Variants in CES5A observed in about 807,000 individuals in gnomAD.
CES5A encodes the protein carboxylesterase 5A, also known as carboxylesterase 5.
A neutral mutation model predicts 62.9 loss-of-function variants in CES5A; 67 were observed. The ratio of observed to expected loss-of-function variants is 1.07; its 90% CI spans 0.88 to 1.31. The LOEUF is 1.31. Among genes scored for constraint, CES5A ranks in the 50% most tolerant of loss-of-function variants. The probability of loss-of-function intolerance (pLI) is 0.00; values close to 1 mark genes in which losing one functional copy is unlikely to be tolerated. For missense variants in CES5A, 748 were observed against 708.5 expected, an observed-to-expected ratio of 1.06 and a Z score of -0.63; for synonymous variants, 296 against 280.8, an observed-to-expected ratio of 1.05 and a Z score of -0.54.
chr16:55,922,950 A>T (rs556059527), intron 1 of CES5A, among the ~76,000 whole-genome samples: 1 of 152,056 alleles, frequency 6.6e-6, no homozygotes, highest in South Asian at 2.1e-4. Flanking sequence ...CAATAGGTCA[A>T]TGAAGAAGTT....
At chr16:55,909,700 G>A (rs941421231) in intron 1 of CES5A, among the ~76,000 whole-genome samples, 1 of 152,154 alleles carries the variant, frequency 6.6e-6, no homozygotes, top group Non-Finnish European at 1.5e-5. Context: ...ACAGGTGAAC[G>A]GCAGAAGATC....
intron 8 of CES5A, 44 bp downstream of exon 8, chr16:55,859,503 T>C (rs771881066): frequency 3.8e-5 from 60 of 1,594,348 alleles, no homozygotes; most frequent in Non-Finnish European, 5.0e-5. Flanking sequence ...CAAAGCTGCA[T>C]CACGGTTTGA....
At chr16:55,893,801 G>A (rs1297386033) in intron 1 of CES5A, among the ~76,000 whole-genome samples, 1 of 152,124 alleles carries the variant, frequency 6.6e-6, no homozygotes, top group African/African-American at 2.4e-5. Context: ...GAACAATGTT[G>A]CACAACTATT....
chr16:55,875,490 G>T (rs866910472), upstream of CES5A: 1 of 717,024 alleles, frequency 1.4e-6, no homozygotes, highest in South Asian at 2.8e-5. Context: ...CCGGGATGGG[G>T]GAAACAGAAA....
intron 2 of CES5A, among the ~76,000 whole-genome samples, chr16:55,933,511 A>G (rs748531086): frequency 2.1e-4 from 32 of 152,188 alleles, no homozygotes; most frequent in South Asian, 8.3e-4. Flanking sequence ...CTTCCAATGA[A>G]TCTGCTCTCT....
intron 1 of CES5A, among the ~76,000 whole-genome samples, chr16:55,908,297 C>T (rs73553900): frequency 0.015 from 2,212 of 152,272 alleles, 53 homozygotes; most frequent in African/African-American, 0.05. Context: ...CATCTGTCAG[C>T]ATCCCACTGC....
chr16:55,871,548 A>G, intron 3 of CES5A, 77 bp downstream of exon 3: 5 of 1,523,796 alleles, frequency 3.3e-6, no homozygotes, highest in Middle Eastern at 2.2e-4. Context: ...CCAATTCCAG[A>G]CATGTAGCTG....
chr16:55,893,818 G>C (rs2033904427), intron 1 of CES5A, among the ~76,000 whole-genome samples: 1 of 152,008 alleles, frequency 6.6e-6, no homozygotes, highest in Admixed American at 6.6e-5. Flanking sequence ...TATTTGAGGA[G>C]GTATTGGCTG....
At chr16:55,851,182 A>G (rs1010458642) in intron 10 of CES5A, among the ~76,000 whole-genome samples, 1 of 152,234 alleles carries the variant, frequency 6.6e-6, no homozygotes, top group African/African-American at 2.4e-5. Context: ...TTTGTACATT[A>G]TCAACAGAGT....
chr16:55,849,633 C>T lies in CES5A; in HGVS notation c.1414G>A (p.Val472Ile). Residue 472 changes from valine (V) to isoleucine (I), a missense_variant, in exon 11 of 13, where the codon GTT becomes ATT. Transcript: ENST00000290567. Reference sequence around the variant, plus strand: ...GTGGCCAGTCCCTTACCGAACATAACAATGTCCCCCTTCAGGAAGGCACCA... The same window carrying T: ...GTGGCCAGTCCCTTACCGAACATAATAATGTCCCCCTTCAGGAAGGCACCA... ...FGGAFLKGDI[V>I]MFEGATEEEK... is the part of the protein sequence containing the mutation. 2 of 1,613,988 alleles carry T rather than the reference C, an allele frequency of 1.2e-6. No individual in the cohort carries two copies. The highest frequency in any genetic ancestry group is 1.7e-6 in the Non-Finnish European group (2 of 1,179,878).
chr16:55,898,635 G>T (rs2033958235), intron 1 of CES5A, among the ~76,000 whole-genome samples: 1 of 152,200 alleles, frequency 6.6e-6, no homozygotes, highest in African/African-American at 2.4e-5. Context: ...ATGCTTTAAA[G>T]TCTCATCTCC....
At chr16:55,912,188 C>T (rs2034100323) in intron 1 of CES5A, among the ~76,000 whole-genome samples, 1 of 152,208 alleles carries the variant, frequency 6.6e-6, no homozygotes, top group Admixed American at 6.5e-5. Context: ...CCCAGATCCT[C>T]CATGAAGTCA....
exon 1 of CES5A, chr16:55,955,894 C>A (rs1389639823): frequency 6.5e-7 from 1 of 1,536,044 alleles, no homozygotes; most frequent in South Asian, 1.2e-5. Context: ...ATCAGACTTG[C>A]CCTTGGTCCT....
Position 55,873,927 on chromosome 16 carries a change from A to G in CES5A, c.184T>C (p.Phe62Leu). 1.2e-6 allele frequency: 2 copies of G among 1,613,878 alleles called. No homozygotes were observed. Among genetic ancestry groups the G allele is most frequent in the Non-Finnish European group, 1.7e-6 (2 of 1,180,012 alleles). ...AGGGATCCCAGCGGGGGAGCAGCAA[A>G]GGGGACTCCGAGGAACACGTTCACA... ...VPVNVFLGVP[F>L]AAPPLGSLRF... The change falls in exon 2 of 13, where the codon TTT (phenylalanine) becomes CTT (leucine). Residue 62 changes from phenylalanine to leucine, a missense_variant. Transcript: ENST00000290567.
chr16:55,944,427 C>T (rs1336981437), intron 2 of CES5A: 6 of 257,654 alleles, frequency 2.3e-5, no homozygotes, highest in Middle Eastern at 1.3e-3. Flanking sequence ...GCAGTGCGGT[C>T]CAACCTTTTT....
At chr16:55,862,709 C>T (rs1338813984) in intron 6 of CES5A, among the ~76,000 whole-genome samples, 6 of 152,206 alleles carry the variant, frequency 3.9e-5, no homozygotes, top group African/African-American at 1.4e-4. Context: ...CAAGAGATGG[C>T]TGCACAGCCC....
At chr16:55,918,508 C>T (rs1298313220) in intron 1 of CES5A, among the ~76,000 whole-genome samples, 1 of 152,194 alleles carries the variant, frequency 6.6e-6, no homozygotes, top group Non-Finnish European at 1.5e-5. Context: ...ATAATCATCA[C>T]TAATCCTTAC....
chr16:55,948,926 G>C (rs2034525770), intron 2 of CES5A, among the ~76,000 whole-genome samples: 1 of 152,108 alleles, frequency 6.6e-6, no homozygotes, highest in Non-Finnish European at 1.5e-5. Flanking sequence ...TCTGAGTTGG[G>C]GACAGTTGCA....
At chr16:55,923,816 C>T (rs961111149) in intron 1 of CES5A, among the ~76,000 whole-genome samples, 2 of 151,712 alleles carry the variant, frequency 1.3e-5, no homozygotes, top group Admixed American at 6.6e-5. Context: ...GAACTAAAAC[C>T]ACTTGCTTAT....
Sources: gnomAD v4.1 joint callset for allele counts (sites outside exome capture counted in the v4.1 genomes callset) on GRCh38, gnomAD v4.1.1 for gene constraint, MANE v1.5 for transcripts, NCBI Gene and HGNC (gene_info 2026-07-23, HGNC 2026-07-21) for gene names.